Variants in C14orf132 observed in about 807,000 individuals in gnomAD.
C14orf132 encodes uncharacterized protein C14orf132.
Under a neutral mutation model 5.8 loss-of-function variants are expected in C14orf132, and 6 were observed. The ratio of observed to expected loss-of-function variants is 1.03; its 90% CI spans 0.57 to 2.04. The LOEUF (loss-of-function observed/expected upper bound fraction) is 2.04, where lower values mean the gene tolerates loss of function less well. Among genes scored for constraint, C14orf132 ranks in the 30% most tolerant of loss-of-function variants. C14orf132 has a pLI of 0.00. For missense variants in C14orf132, 125 were observed against 115.8 expected, an observed-to-expected ratio of 1.08 and a Z score of -0.37; for synonymous variants, 51 against 49.8, an observed-to-expected ratio of 1.02 and a Z score of -0.10.
intron 1 of C14orf132, among the ~76,000 whole-genome samples, chr14:96,045,147 G>A (rs1886797688): frequency 6.6e-6 from 1 of 152,152 alleles, no homozygotes; most frequent in Admixed American, 6.5e-5. Flanking sequence ...AATGTTTCCT[G>A]TGTGCCAGGC....
rs1888463633 is a variant in C14orf132, at chr14:96,092,941, C to A, written c.*6206C>A. On this transcript the variant is annotated 3_prime_UTR_variant, in exon 2 of 2. Coordinates refer to ENST00000555004, the MANE Select transcript of C14orf132 (RefSeq NM_001252507.3). ...ACATCCTACAATGCACAGGGCAGCC[C>A]CCCACAAATAAGAATTATCCAGCCC... 6.6e-6 allele frequency: 1 copy of A among 152,226 alleles called. No homozygotes were observed. The highest frequency in any genetic ancestry group is 6.5e-5 in the Admixed American group (1 of 15,282). 9.4% of individuals were successfully genotyped at this position (152,226 alleles called of 1,614,324 possible).
In C14orf132 at chr14:96,069,183, A is replaced by ATATATATATATATG. The variant is rs372630503; in HGVS notation, c.28-17317_28-17316insATGTATATATATAT. Among the ~76,000 whole-genome samples, 946 of 134,272 alleles carry ATATATATATATATG rather than the reference A, an allele frequency of 7.0e-3. 11 individuals are homozygous for ATATATATATATATG. The highest frequency in any genetic ancestry group is 8.1e-3 in the Non-Finnish European group (514 of 63,792). The allele number at this position is 134,272 out of a possible 152,430, so 88.1% of individuals were successfully genotyped here. ...TAAATCTCTTCATATATATATGTAT[A>ATATATATATATATG]TATATATATATGTATATATGTTATT... On this transcript the variant is annotated intron_variant, in intron 1 of 1. Transcript: ENST00000555004.
chr14:96,049,603 T>TATATGTAC (rs1886957115), intron 1 of C14orf132, among the ~76,000 whole-genome samples: 4 of 117,368 alleles, frequency 3.4e-5, no homozygotes, highest in African/African-American at 6.8e-5. Context: ...TATATACGTA[T>TATATGTAC]ATATATACAT....
chr14:96,086,013 C>G (rs1012959636), intron 1 of C14orf132, among the ~76,000 whole-genome samples: 14 of 147,092 alleles, frequency 9.5e-5, no homozygotes, highest in Non-Finnish European at 1.5e-4. Context: ...CACACACACA[C>G]AGAGGAAAAA....
chr14:96,044,328 C>T (rs953607177), intron 1 of C14orf132, among the ~76,000 whole-genome samples: 10 of 152,296 alleles, frequency 6.6e-5, no homozygotes, highest in Middle Eastern at 3.4e-3. Flanking sequence ...CACATGCCAC[C>T]ATGGCTGGCT....
chr14:96,043,736 A>C (rs1490060383), intron 1 of C14orf132, among the ~76,000 whole-genome samples: 1 of 152,140 alleles, frequency 6.6e-6, no homozygotes, highest in Non-Finnish European at 1.5e-5. Context: ...CCCTCCCTGG[A>C]TGAAACAGAT....
chr14:96,049,476 G>A (rs1176339369), intron 1 of C14orf132, among the ~76,000 whole-genome samples: 1 of 143,584 alleles, frequency 7.0e-6, no homozygotes, highest in Admixed American at 7.0e-5. Context: ...ATATATATGT[G>A]TATATATATG....
rs114181491 is a variant in C14orf132, at chr14:96,066,429, A to G, written c.28-20082A>G. ...TTTGCTTTTTCCTCTTAATTCTGAA[A>G]TGCTCTCAGGCTTTCCAAAAATATC... On this transcript the variant is annotated intron_variant, in intron 1 of 1. Transcript: ENST00000555004. Among the ~76,000 whole-genome samples the G allele has an allele frequency of 5.0e-3, 759 of 152,274 alleles. 11 individuals are homozygous for G. The highest frequency in any genetic ancestry group is 0.017 in the African/African-American group (718 of 41,512).
chr14:96,065,222 T>G (rs1430723634), intron 1 of C14orf132, among the ~76,000 whole-genome samples: 1 of 152,106 alleles, frequency 6.6e-6, no homozygotes, highest in Admixed American at 6.6e-5. Context: ...CAGGTGCCCC[T>G]GGGGAGGAGG....
At position 96,086,541 on chromosome 14, in the gene C14orf132, T is replaced by C. The variant is rs1475297102; in HGVS notation, c.58T>C (p.Ser20Pro). Residue 20 changes from serine to proline, a missense_variant, in exon 2 of 2, where the codon TCG (serine) becomes CCG (proline). Coordinates refer to ENST00000555004, the MANE Select transcript of C14orf132 (RefSeq NM_001252507.3). ...CATGATGGGGGGAGCTTTCATGGAC[T>C]CGCCCAACGAGGACTTCAGCACCGA... ...LPMMGGAFMDSPNEDFSTEYS... is the reference protein window; with the variant it reads ...LPMMGGAFMDPPNEDFSTEYS... 1 of 1,536,006 alleles carries C rather than the reference T, an allele frequency of 6.5e-7. No individual in the cohort carries two copies. Among genetic ancestry groups the C allele is most frequent in the African/African-American group, 1.4e-5 (1 of 73,048 alleles).
intron 1 of C14orf132, among the ~76,000 whole-genome samples, chr14:96,084,271 T>C (rs1189635979): frequency 7.9e-5 from 12 of 152,160 alleles, no homozygotes; most frequent in African/African-American, 2.9e-4. Context: ...CCTGGGAATC[T>C]GGCAGGGGTC....
intron 1 of C14orf132, among the ~76,000 whole-genome samples, chr14:96,065,117 C>T (rs1052559089): frequency 6.6e-5 from 10 of 152,096 alleles, no homozygotes; most frequent in African/African-American, 2.4e-4. Flanking sequence ...TCTGACCCAG[C>T]TGGGTGTACT....
In C14orf132 at chr14:96,086,945, C is replaced by T. The variant is rs200157432; in HGVS notation, c.*210C>T. ...AAGACATGGAAGTATGGGCCTCCTG[C>T]CCCTAGAGGCATGACGGGGCAAGGC... On this transcript the variant is annotated 3_prime_UTR_variant, in exon 2 of 2. Transcript: ENST00000555004. 279 of 599,674 alleles carry T rather than the reference C, an allele frequency of 4.7e-4. No individual in the cohort carries two copies. The East Asian group carries it at 6.6e-3, about 14-fold the overall frequency. The allele number at this position is 599,674 out of a possible 1,614,324, so 37.1% of individuals were successfully genotyped here. A position where few individuals can be genotyped will look rare whatever the true frequency, so the allele number is the denominator to read the frequency against.
At chr14:96,069,752 C>T (rs2139668208) in intron 1 of C14orf132, among the ~76,000 whole-genome samples, 1 of 152,298 alleles carries the variant, frequency 6.6e-6, no homozygotes, top group African/African-American at 2.4e-5. Context: ...GCCACAAAAT[C>T]CTGCTTTTTT....
intron 1 of C14orf132, among the ~76,000 whole-genome samples, chr14:96,054,489 T>A (rs1215926576): frequency 1.3e-5 from 2 of 152,194 alleles, no homozygotes; most frequent in Admixed American, 1.3e-4. Flanking sequence ...GCTGTTTGAC[T>A]TGGAACAAGA....
At chr14:96,073,220 C>T (rs1299462973) in intron 1 of C14orf132, among the ~76,000 whole-genome samples, 1 of 151,994 alleles carries the variant, frequency 6.6e-6, no homozygotes, top group Non-Finnish European at 1.5e-5. Context: ...ATTTACATTT[C>T]CCTAATTAAT....
At chr14:96,050,904 G>T (rs1452269635) in intron 1 of C14orf132, among the ~76,000 whole-genome samples, 1 of 151,936 alleles carries the variant, frequency 6.6e-6, no homozygotes, top group African/African-American at 2.4e-5. Flanking sequence ...CTCCATTTTG[G>T]CTGGATGTGG....
intron 1 of C14orf132, among the ~76,000 whole-genome samples, chr14:96,049,872 A>T (rs1225574268): frequency 6.6e-6 from 1 of 151,272 alleles, no homozygotes; most frequent in Non-Finnish European, 1.5e-5. Flanking sequence ...TCTGCTATTA[A>T]TAATAGCCCC....
rs371381526 is a variant in C14orf132 at position 96,049,653 on chromosome 14, T to TATAG, written c.27+10127_27+10128insTAGA. Among the ~76,000 whole-genome samples, 471 of 82,268 alleles carry TATAG rather than the reference T, an allele frequency of 5.7e-3. 89 individuals carry two copies. In the East Asian group the frequency reaches 0.074, roughly 13 times the overall value. The allele number at this position is 82,268 out of a possible 152,430, so 54.0% of individuals were successfully genotyped here. ...ATACATATATACGTATATATATATA[T>TATAG]AGAGAGAGAGAGAGAGAGAGTTCTG... is the stretch of plus-strand genomic sequence containing the variant. On this transcript the variant is annotated intron_variant, in intron 1 of 1. Transcript: ENST00000555004.
Sources: gnomAD v4.1 joint callset for allele counts (sites outside exome capture counted in the v4.1 genomes callset) on GRCh38, gnomAD v4.1.1 for gene constraint, MANE v1.5 for transcripts, NCBI Gene and HGNC (gene_info 2026-07-23, HGNC 2026-07-21) for gene names.